Variants in TMEM39B observed in about 807,000 individuals in gnomAD.
TMEM39B encodes the protein transmembrane protein 39B.
Under a neutral mutation model 52.2 loss-of-function variants are expected in TMEM39B, and 23 were observed. That is an observed-to-expected ratio of 0.44 (90% CI 0.32 to 0.62). TMEM39B has a LOEUF of 0.62. Among genes scored for constraint, TMEM39B ranks in the 20% least tolerant of loss-of-function variants. TMEM39B has a pLI of 0.06. For missense variants in TMEM39B, 547 were observed against 642.0 expected (o/e 0.85, Z 1.60); for synonymous variants, 285 against 264.0 (o/e 1.08, Z -0.77).
chr1:32,100,602 A>G, intron 8 of TMEM39B, 40 bp downstream of exon 8: 1 of 1,613,416 alleles, frequency 6.2e-7, no homozygotes, highest in Non-Finnish European at 8.5e-7. Context: ...GGGGCCTGAG[A>G]GGGTGGGAGG....
chr1:32,073,937 C>A (rs1639747580), intron 1 of TMEM39B: 4 of 968,198 alleles, frequency 4.1e-6, no homozygotes, highest in South Asian at 4.8e-5. Context: ...TTAATAGAGA[C>A]CGGGTTTCGC....
At chr1:32,087,621 CAAAAT>C (rs950946155) in intron 5 of TMEM39B, 3 of 148,408 alleles carry the variant, frequency 2.0e-5, no homozygotes, top group Admixed American at 1.3e-4. Context: ...GAAACTGTCT[CAAAAT>C]AATAATAATA....
chr1:32,095,242 C>T (rs1018250833), intron 7 of TMEM39B, among the ~76,000 whole-genome samples: 2 of 152,140 alleles, frequency 1.3e-5, no homozygotes, highest in Non-Finnish European at 2.9e-5. Flanking sequence ...TTTATTCACT[C>T]ATTGCCTTAC....
chr1:32,080,865 G>T (rs1246217442), intron 5 of TMEM39B, among the ~76,000 whole-genome samples: 1 of 151,610 alleles, frequency 6.6e-6, no homozygotes, highest in Non-Finnish European at 1.5e-5. Context: ...GTGCTGAAAA[G>T]CTTATAATGA....
At chr1:32,089,429 G>T (rs1640513141) in intron 5 of TMEM39B, among the ~76,000 whole-genome samples, 2 of 151,840 alleles carry the variant, frequency 1.3e-5, no homozygotes, top group Admixed American at 6.6e-5. Flanking sequence ...ACCACACCCA[G>T]CCCAGAGCTG....
chr1:32,088,109 G>C (rs370119157), intron 5 of TMEM39B, among the ~76,000 whole-genome samples: 2 of 149,116 alleles, frequency 1.3e-5, no homozygotes, highest in Non-Finnish European at 3.0e-5. Flanking sequence ...CTGGGTGACA[G>C]AGCCAGACTC....
chr1:32,094,117 C>CTT (rs796499631), intron 6 of TMEM39B, among the ~76,000 whole-genome samples: 934 of 29,806 alleles, frequency 0.031, 318 homozygotes, highest in Non-Finnish European at 0.037. Context: ...TGCGCCTGGC[C>CTT]TTTTTTTTTT....
Position 32,095,070 on chromosome 1 carries a change from G to A in TMEM39B, c.1115+99G>A, listed in dbSNP as rs192631204. ...GATTAACTTATTTAGTTAGCAAATA[G>A]TTATTGAGCGTGTCTTGTATATTAT... On this transcript the variant is annotated intron_variant, in intron 7 of 8. Coordinates refer to ENST00000336294, the MANE Select transcript of TMEM39B (RefSeq NM_018056.4). The A allele has an allele frequency of 2.5e-4, 341 of 1,358,040 alleles. No individual in the cohort carries two copies. The African/African-American group carries it at 3.4e-3, about 14-fold the overall frequency. 84.1% of individuals were successfully genotyped at this position (1,358,040 alleles called of 1,614,324 possible). A position where few individuals can be genotyped will look rare whatever the true frequency, so the allele number is the denominator to read the frequency against.
chr1:32,102,309 C>T, intron 8 of TMEM39B, 122 bp from the exon 9 acceptor site: 8 of 1,357,732 alleles, frequency 5.9e-6, no homozygotes, highest in Non-Finnish European at 8.0e-6. Flanking sequence ...AGTCTTCTTC[C>T]CCACCCATGT....
chr1:32,092,342 A>T (rs1387092397), intron 6 of TMEM39B, among the ~76,000 whole-genome samples: 1 of 152,008 alleles, frequency 6.6e-6, no homozygotes, highest in Non-Finnish European at 1.5e-5. Context: ...TTTTTTATAG[A>T]GATGGAGTCT....
At chr1:32,079,307 C>G (rs1207973361) in intron 5 of TMEM39B, among the ~76,000 whole-genome samples, 1 of 151,822 alleles carries the variant, frequency 6.6e-6, no homozygotes, top group Admixed American at 6.6e-5. Context: ...GCCTCAGCCT[C>G]CTGAGTAGCT....
chr1:32,086,516 C>G (rs1002154570), intron 5 of TMEM39B, among the ~76,000 whole-genome samples: 29 of 152,200 alleles, frequency 1.9e-4, no homozygotes, highest in African/African-American at 6.8e-4. Context: ...CCTGTAATCC[C>G]AGCACTTTGA....
At chr1:32,072,220 G>C (rs1039058953), upstream of TMEM39B, 2 of 152,230 alleles carry the variant, frequency 1.3e-5, no homozygotes, top group Non-Finnish European at 2.9e-5. Flanking sequence ...TGTAGGTCTT[G>C]TGAGGGAAGA....
At position 32,082,464 on chromosome 1, in the gene TMEM39B, A is replaced by T. The variant is rs954453292; in HGVS notation, c.590+5146A>T. On this transcript the variant is annotated intron_variant, in intron 5 of 8. Coordinates refer to ENST00000336294, the MANE Select transcript of TMEM39B (RefSeq NM_018056.4). ...TCTTTATTTATTTATTTTTATTTTT[A>T]TTTTTTTTGAGATGGAGTCTCTCTC... Among the ~76,000 whole-genome samples, 18 of 151,154 alleles carry T rather than the reference A, an allele frequency of 1.2e-4. 1 individual carries two copies. Among genetic ancestry groups the T allele is most frequent in the South Asian group, 4.2e-4 (2 of 4,768 alleles).
intron 2 of TMEM39B, 72 bp from the exon 3 acceptor site, chr1:32,075,531 C>G: frequency 6.9e-7 from 1 of 1,455,664 alleles, no homozygotes. Flanking sequence ...ATCCCACAAT[C>G]CTTTGCCTCA....
At chr1:32,081,520 A>C (rs573232297) in intron 5 of TMEM39B, among the ~76,000 whole-genome samples, 22 of 152,252 alleles carry the variant, frequency 1.4e-4, no homozygotes, top group African/African-American at 5.3e-4. Context: ...GGCCAAGGTG[A>C]ATGGATCACT....
intron 3 of TMEM39B, 33 bp downstream of exon 3, chr1:32,075,855 TGTG>T: frequency 7.5e-7 from 1 of 1,328,888 alleles, no homozygotes; most frequent in Non-Finnish European, 1.0e-6. Flanking sequence ...TGTGTGTGTG[TGTG>T]TGTGTGCGTG....
intron 7 of TMEM39B, among the ~76,000 whole-genome samples, chr1:32,099,114 G>T (rs1445912781): frequency 6.6e-6 from 1 of 152,030 alleles, no homozygotes; most frequent in Non-Finnish European, 1.5e-5. Context: ...TTAGCCGGGC[G>T]TGGTGGCAGG....
intron 7 of TMEM39B, 66 bp from the exon 8 acceptor site, chr1:32,100,376 C>T (rs1640972863): frequency 6.7e-7 from 1 of 1,492,204 alleles, no homozygotes. Flanking sequence ...CCCTCCTGCC[C>T]ATTCTTCTGG....
Sources: gnomAD v4.1 joint callset for allele counts (sites outside exome capture counted in the v4.1 genomes callset) on GRCh38, gnomAD v4.1.1 for gene constraint, MANE v1.5 for transcripts, NCBI Gene and HGNC (gene_info 2026-07-23, HGNC 2026-07-21) for gene names.